PCDHGB7: variants seen among roughly 807,000 people sequenced by gnomAD.
PCDHGB7 encodes protocadherin gamma subfamily B, 7, also known as protocadherin gamma-B7.
Under a neutral mutation model 61.4 loss-of-function variants are expected in PCDHGB7, and 37 were observed. The ratio of observed to expected loss-of-function variants is 0.60; its 90% CI spans 0.46 to 0.79. The LOEUF (loss-of-function observed/expected upper bound fraction) is 0.79, where lower values mean the gene tolerates loss of function less well. PCDHGB7 is among the 30% of genes least tolerant of loss of function. The pLI, the probability that PCDHGB7 is intolerant of heterozygous loss-of-function variation, is 0.00. For synonymous variants in PCDHGB7, 464 were observed against 503.5 expected (o/e 0.92, Z 1.05); for missense variants, 1,166 against 1,202.5 (o/e 0.97, Z 0.45).
In PCDHGB7 at chr5:141,417,785, A is replaced by C. The variant is rs1273908599; in HGVS notation, c.-75A>C. 22 of 1,476,018 alleles carry C rather than the reference A, an allele frequency of 1.5e-5. No homozygotes were observed. The highest frequency in any genetic ancestry group is 1.7e-5 in the Non-Finnish European group (19 of 1,111,678). The allele number at this position is 1,476,018 out of a possible 1,614,324, so 91.4% of individuals were successfully genotyped here. A position where few individuals can be genotyped will look rare whatever the true frequency, so the allele number is the denominator to read the frequency against. On this transcript the variant is annotated 5_prime_UTR_variant, in exon 1 of 4. Transcript: ENST00000398594. ...CCGGGACTCCTCCTGTCCTGGGCCG[A>C]ATGCTCTTTTAGCGCGGTAGAGTGC...
At chr5:141,445,553 A>G (rs948468877) in intron 1 of PCDHGB7, among the ~76,000 whole-genome samples, 1 of 152,252 alleles carries the variant, frequency 6.6e-6, no homozygotes, top group Non-Finnish European at 1.5e-5. Context: ...ATACAAAAGC[A>G]CTAAGAGAAA....
At position 141,418,594 on chromosome 5, in the gene PCDHGB7, C is replaced by G. The variant is rs775489120; in HGVS notation, c.735C>G (p.Asp245Glu). 2.9e-5 allele frequency: 47 copies of G among 1,613,904 alleles called. No individual in the cohort carries two copies. In the South Asian group the frequency reaches 4.6e-4, roughly 16 times the overall value. The change falls in exon 1 of 4, where the codon GAC becomes GAG. Residue 245 changes from aspartate (D) to glutamate (E), a missense_variant. Transcript: ENST00000398594. ...ANDNPPVFSQDVYRVSLREDV... is the reference protein window; with the variant it reads ...ANDNPPVFSQEVYRVSLREDV... ...ACAACCCCCCAGTGTTCAGCCAGGA[C>G]GTGTACAGGGTTAGCCTTCGGGAAG...
At chr5:141,483,761 GA>G (rs1376816525) in intron 1 of PCDHGB7, among the ~76,000 whole-genome samples, 1 of 152,118 alleles carries the variant, frequency 6.6e-6, no homozygotes, top group African/African-American at 2.4e-5. Flanking sequence ...TCGAGGCTTG[GA>G]AAAATATTGG....
intron 1 of PCDHGB7, among the ~76,000 whole-genome samples, chr5:141,460,763 T>A (rs904048213): frequency 4.6e-5 from 7 of 152,170 alleles, no homozygotes; most frequent in Admixed American, 1.3e-4. Context: ...ATATACATAT[T>A]GCATATGTAT....
intron 1 of PCDHGB7, among the ~76,000 whole-genome samples, chr5:141,480,106 A>C (rs1466691134): frequency 6.6e-6 from 1 of 152,196 alleles, no homozygotes; most frequent in Non-Finnish European, 1.5e-5. Context: ...AGTGTTTAGC[A>C]TGGTGCCTGG....
rs758515649 is a variant in PCDHGB7 at position 141,432,368 on chromosome 5, A to G, written c.2415+12094A>G. On this transcript the variant is annotated intron_variant, in intron 1 of 3. Coordinates refer to ENST00000398594, the MANE Select transcript of PCDHGB7 (RefSeq NM_018927.4). This position sits in a 1 kb window ranked among gnomAD's most constrained non-coding sequence, Gnocchi z 6.0. ...GCAAGTGAAAGTGATGGCGCGGGAC[A>G]ACGGGCACCCGCCCCTCAGCAGCAA... 1.2e-6 allele frequency: 2 copies of G among 1,614,110 alleles called. No homozygotes were observed. Among genetic ancestry groups the G allele is most frequent in the Non-Finnish European group, 1.7e-6 (2 of 1,180,054 alleles).
In PCDHGB7 at chr5:141,420,098, A is replaced by G; in HGVS notation, c.2239A>G (p.Thr747Ala). Residue 747 changes from threonine (T) to alanine (A), a missense_variant, in exon 1 of 4, where the codon ACG (threonine) becomes GCG (alanine). Physicochemically the swap from Thr to Ala is moderately conservative, Grantham distance 58. Transcript: ENST00000398594. ...GGGTCCCCCCAACTACAGTGAGGGA[A>G]CGTTGCCCTATGCCTATAATTTTTG... is the stretch of plus-strand genomic sequence containing the variant. ...PVGPPNYSEG[T>A]LPYAYNFCVP... is the part of the protein sequence containing the mutation. 6.2e-7 allele frequency: 1 copy of G among 1,614,034 alleles called. No individual in the cohort carries two copies. Among genetic ancestry groups the G allele is most frequent in the African/African-American group, 1.3e-5 (1 of 75,070 alleles).
chr5:141,498,786 A>T (rs2099785591), intron 2 of PCDHGB7, among the ~76,000 whole-genome samples: 1 of 152,050 alleles, frequency 6.6e-6, no homozygotes, highest in East Asian at 1.9e-4. Context: ...ACAAAATATT[A>T]GCCAGGTGTG....
At position 141,423,462 on chromosome 5, in the gene PCDHGB7, C is replaced by A. The variant is rs371118964; in HGVS notation, c.2415+3188C>A. ...CCACGTCACATTTTGTAGGCGTGGA[C>A]GGGGTACAGGCTTTCCTGCAAACCT... On this transcript the variant is annotated intron_variant, in intron 1 of 3. Transcript: ENST00000398594. 8.1e-6 allele frequency: 13 copies of A among 1,613,808 alleles called. No homozygotes were observed. The African/African-American group carries it at 1.7e-4, about 22-fold the overall frequency.
chr5:141,441,442 C>G (rs938839707), intron 1 of PCDHGB7: 1 of 160,500 alleles, frequency 6.2e-6, no homozygotes, highest in African/African-American at 2.4e-5. Context: ...CTCGTCCAGC[C>G]CAAGCATCAC....
At chr5:141,470,780 T>G (rs1436746772) in intron 1 of PCDHGB7, among the ~76,000 whole-genome samples, 1 of 152,194 alleles carries the variant, frequency 6.6e-6, no homozygotes, top group Non-Finnish European at 1.5e-5. Flanking sequence ...CTTGAATTCC[T>G]GGGCTCAAGC....
chr5:141,488,681 C>G, intron 1 of PCDHGB7, among the ~76,000 whole-genome samples: 1 of 152,204 alleles, frequency 6.6e-6, no homozygotes, highest in East Asian at 1.9e-4. Flanking sequence ...GGCTTTGCCT[C>G]TCCCAGAAGG....
chr5:141,454,998 G>A (rs909142112), intron 1 of PCDHGB7, among the ~76,000 whole-genome samples: 1 of 151,220 alleles, frequency 6.6e-6, no homozygotes, highest in Admixed American at 6.6e-5. Flanking sequence ...ATTTTTAGTA[G>A]AGACGGGGTT....
At chr5:141,465,894 G>A (rs970043849) in intron 1 of PCDHGB7, among the ~76,000 whole-genome samples, 1 of 152,098 alleles carries the variant, frequency 6.6e-6, no homozygotes, top group Non-Finnish European at 1.5e-5. Flanking sequence ...AGGCCGAGGC[G>A]GGCAAATCAC....
chr5:141,448,335 A>T (rs567377336), intron 1 of PCDHGB7, among the ~76,000 whole-genome samples: 1 of 152,108 alleles, frequency 6.6e-6, no homozygotes, highest in Non-Finnish European at 1.5e-5. Flanking sequence ...CTTTATAGCC[A>T]TGTACCTCAA....
chr5:141,507,263 T>C (rs755395344), intron 3 of PCDHGB7: 1 of 152,038 alleles, frequency 6.6e-6, no homozygotes, highest in Non-Finnish European at 1.5e-5. Flanking sequence ...AAACAGCAAG[T>C]ACTATTTCAG....
In PCDHGB7 at chr5:141,485,804, G is replaced by C; in HGVS notation, c.2416-9003G>C. 6.2e-7 allele frequency: 1 copy of C among 1,614,218 alleles called. No homozygotes were observed. The highest frequency in any genetic ancestry group is 1.3e-5 in the African/African-American group (1 of 75,060). The stretch of plus-strand genomic sequence containing the variant: ...AGAGAAGCAATCGGACTACCGCCTG[G>C]TGCTGACTGCTGTCGATGGAGGGAA... On this transcript the variant is annotated intron_variant, in intron 1 of 3. Coordinates refer to ENST00000398594, the MANE Select transcript of PCDHGB7 (RefSeq NM_018927.4). This position sits in a 1 kb window ranked among gnomAD's most constrained non-coding sequence, Gnocchi z 5.7.
intron 1 of PCDHGB7, among the ~76,000 whole-genome samples, chr5:141,449,677 A>G (rs543079734): frequency 6.3e-4 from 96 of 151,362 alleles, no homozygotes; most frequent in Non-Finnish European, 1.1e-3. Flanking sequence ...GTGTATGTAT[A>G]TATGTTTGTG....
intron 1 of PCDHGB7, among the ~76,000 whole-genome samples, chr5:141,436,424 T>C (rs2154557109): frequency 6.6e-6 from 1 of 152,322 alleles, no homozygotes; most frequent in Middle Eastern, 3.4e-3. Context: ...AAACAAATAA[T>C]GTACTCTGGG....
Sources: gnomAD v4.1 joint callset for allele counts (sites outside exome capture counted in the v4.1 genomes callset) on GRCh38, gnomAD v4.1.1 for gene constraint, Gnocchi (gnomAD v3.1) non-coding constraint, MANE v1.5 for transcripts, NCBI Gene and HGNC (gene_info 2026-07-23, HGNC 2026-07-21) for gene names.